MRPS21: variants seen among roughly 807,000 people sequenced by gnomAD.
The protein encoded by MRPS21 is mitochondrial ribosomal protein S21.
A neutral mutation model predicts 9.9 loss-of-function variants in MRPS21; 8 were observed. The observed-to-expected ratio is 0.81, with a 90% CI of 0.47 to 1.45. The LOEUF (loss-of-function observed/expected upper bound fraction) is 1.45. MRPS21 is among the 40% of genes most tolerant of loss of function. MRPS21 has a pLI of 0.00. For synonymous variants in MRPS21, 40 were observed against 40.3 expected (o/e 0.99, Z 0.03); for missense variants, 101 against 118.9 (o/e 0.85, Z 0.70).
rs372864248 is a variant in MRPS21 at position 150,301,966 on chromosome 1, C to T, written c.84-6082C>T. On this transcript the variant is annotated intron_variant, in intron 2 of 2. Coordinates refer to ENST00000614145, the MANE Select transcript of MRPS21 (RefSeq NM_031901.6). The stretch of plus-strand genomic sequence containing the variant: ...GTGAGCAGACTGATTTTGGAGTGAT[C>T]CAATCTTCTGTTTTCCTGCTGCCTG... Among the ~76,000 whole-genome samples, 95 of 152,274 alleles carry T rather than the reference C, an allele frequency of 6.2e-4. 2 individuals are homozygous for T. In the South Asian group the frequency reaches 0.019, roughly 30 times the overall value.
chr1:150,306,912 C>G (rs1379985285), intron 2 of MRPS21, among the ~76,000 whole-genome samples: 1 of 152,154 alleles, frequency 6.6e-6, no homozygotes, highest in South Asian at 2.1e-4. Context: ...AGAATCATTG[C>G]TGTAGGGAGA....
At chr1:150,302,385 G>A (rs1553857851) in intron 2 of MRPS21, among the ~76,000 whole-genome samples, 1 of 152,100 alleles carries the variant, frequency 6.6e-6, no homozygotes. Flanking sequence ...TGCATGATTG[G>A]CTGGCCCCCA....
chr1:150,307,267 C>T (rs879956950), intron 2 of MRPS21, among the ~76,000 whole-genome samples: 3 of 151,400 alleles, frequency 2.0e-5, no homozygotes, highest in Non-Finnish European at 4.4e-5. Context: ...AGGCTGGTCT[C>T]GAACTCCCGA....
At chr1:150,303,346 C>T (rs1384877640) in intron 2 of MRPS21, among the ~76,000 whole-genome samples, 1 of 152,050 alleles carries the variant, frequency 6.6e-6, no homozygotes, top group African/African-American at 2.4e-5. Context: ...ATACTACTTT[C>T]TAGTCCAAAA....
In MRPS21 at chr1:150,308,535, A is replaced by G. The variant is rs1654437957; in HGVS notation, c.*307A>G. On this transcript the variant is annotated 3_prime_UTR_variant, in exon 3 of 3. Transcript: ENST00000614145. ...GAGTTTCAGTTTGGGCAGATGAAAAAGTTCAGGAGACGATGGCCTGGCATG... is the reference window on the plus strand; with the variant it reads ...GAGTTTCAGTTTGGGCAGATGAAAAGGTTCAGGAGACGATGGCCTGGCATG... 5.0e-6 allele frequency: 1 copy of G among 201,772 alleles called. No individual in the cohort carries two copies. Among genetic ancestry groups the G allele is most frequent in the Non-Finnish European group, 1.0e-5 (1 of 99,286 alleles). 12.5% of individuals were successfully genotyped at this position (201,772 alleles called of 1,614,324 possible).
At position 150,294,444 on chromosome 1, in the gene MRPS21, A is replaced by G; in HGVS notation, c.78A>G (p.Leu26=). 6.2e-7 allele frequency: 1 copy of G among 1,610,364 alleles called. No individual in the cohort carries two copies. Among genetic ancestry groups the G allele is most frequent in the Admixed American group, 1.7e-5 (1 of 59,992 alleles). ...ACGTGGAAAGCGCATACAGGACCCT[A>G]AACAGGTAACTGTTAAGGGACCAGA... The part of the protein sequence containing the change: ...EGNVESAYRT[L]NRILTMDGLI... Residue 26 remains leucine (L), a synonymous_variant, in exon 2 of 3, where the codon CTA becomes CTG. Coordinates refer to ENST00000614145, the MANE Select transcript of MRPS21 (RefSeq NM_031901.6).
chr1:150,300,820 A>G (rs1553857514), intron 2 of MRPS21, among the ~76,000 whole-genome samples: 1 of 152,230 alleles, frequency 6.6e-6, no homozygotes, highest in Non-Finnish European at 1.5e-5. Flanking sequence ...AAGTAGGAGT[A>G]GGATTTGGAA....
Position 150,303,449 on chromosome 1 carries a change from C to T in MRPS21, c.84-4599C>T, listed in dbSNP as rs115608959. 2.8e-3 allele frequency among the ~76,000 whole-genome samples: 421 copies of T among 152,314 alleles called. 1 individual carries two copies. The highest frequency in any genetic ancestry group is 9.7e-3 in the African/African-American group (401 of 41,550). On this transcript the variant is annotated intron_variant, in intron 2 of 2. Transcript: ENST00000614145. ...ATTCTTTTATCCAAGTGTCCCTTAT[C>T]GGCTTCCATTTCCTCTTTACTCTGA...
At chr1:150,296,152 G>A (rs1269991653) in intron 2 of MRPS21, among the ~76,000 whole-genome samples, 3 of 151,974 alleles carry the variant, frequency 2.0e-5, no homozygotes, top group Non-Finnish European at 2.9e-5. Context: ...GTTTCACCAC[G>A]TTAGCCAAGA....
chr1:150,304,189 TA>T, intron 2 of MRPS21: 1 of 348,068 alleles, frequency 2.9e-6, no homozygotes, highest in South Asian at 2.3e-5. Flanking sequence ...TACGCCCCTG[TA>T]ATCCCAGCTA....
Position 150,308,320 on chromosome 1 carries a change from C to G in MRPS21, c.*92C>G. On this transcript the variant is annotated 3_prime_UTR_variant, in exon 3 of 3. Coordinates refer to ENST00000614145, the MANE Select transcript of MRPS21 (RefSeq NM_031901.6). ...CAATCCCATTTCCTATTACCATTCT[C>G]TGCAATAAACTCAAATCACATGTCT... is the stretch of plus-strand genomic sequence containing the variant. 1 of 1,301,914 alleles carries G rather than the reference C, an allele frequency of 7.7e-7. No individual in the cohort carries two copies. 80.6% of individuals were successfully genotyped at this position (1,301,914 alleles called of 1,614,324 possible).
chr1:150,295,943 C>T (rs1247254042), intron 2 of MRPS21, among the ~76,000 whole-genome samples: 1 of 139,260 alleles, frequency 7.2e-6, no homozygotes, highest in Non-Finnish European at 1.5e-5. Context: ...TAGAAGAGCC[C>T]TAGTAATACT....
At chr1:150,300,106 G>C (rs1483073753) in intron 2 of MRPS21, among the ~76,000 whole-genome samples, 3 of 152,010 alleles carry the variant, frequency 2.0e-5, no homozygotes, top group African/African-American at 7.2e-5. Flanking sequence ...ACTTTGGGAG[G>C]CTGAGGGGGG....
intron 2 of MRPS21, among the ~76,000 whole-genome samples, chr1:150,301,618 T>A (rs1297266590): frequency 6.2e-5 from 3 of 48,484 alleles, no homozygotes; most frequent in African/African-American, 2.7e-4. Context: ...ATTTTCTTTT[T>A]CCTTTCTTTT....
intron 2 of MRPS21, among the ~76,000 whole-genome samples, chr1:150,306,653 G>A (rs981813791): frequency 6.6e-6 from 1 of 152,028 alleles, no homozygotes; most frequent in East Asian, 1.9e-4. Flanking sequence ...ACACCACCAT[G>A]CCCGGCTAAT....
rs1572154026 is a variant in MRPS21 at position 150,307,348 on chromosome 1, C to CTTTTTTT, written c.84-684_84-678dup. On this transcript the variant is annotated intron_variant, in intron 2 of 2. Coordinates refer to ENST00000614145, the MANE Select transcript of MRPS21 (RefSeq NM_031901.6). ...CAGGCATGAGTCACTGTGCCCAGTC[C>CTTTTTTT]TTTTTTTTTTTTTTTTTTTTTTCCT... Among the ~76,000 whole-genome samples the CTTTTTTT allele has an allele frequency of 3.8e-3, 334 of 87,476 alleles. 40 individuals carry two copies. The highest frequency in any genetic ancestry group is 0.01 in the African/African-American group (236 of 22,534). The allele number at this position is 87,476 out of a possible 152,430, so 57.4% of individuals were successfully genotyped here.
At position 150,308,311 on chromosome 1, in the gene MRPS21, T is replaced by C; in HGVS notation, c.*83T>C. Reference sequence around the variant, plus strand: ...TTCTTTGTACAATCCCATTTCCTATTACCATTCTCTGCAATAAACTCAAAT... The same window carrying C: ...TTCTTTGTACAATCCCATTTCCTATCACCATTCTCTGCAATAAACTCAAAT... On this transcript the variant is annotated 3_prime_UTR_variant, in exon 3 of 3. Transcript: ENST00000614145. The C allele has an allele frequency of 7.3e-7, 1 of 1,376,640 alleles. No homozygotes were observed. Among genetic ancestry groups the C allele is most frequent in the Non-Finnish European group, 9.8e-7 (1 of 1,015,490 alleles). The allele number at this position is 1,376,640 out of a possible 1,614,324, so 85.3% of individuals were successfully genotyped here. A position where few individuals can be genotyped will look rare whatever the true frequency, so the allele number is the denominator to read the frequency against.
rs1654425542 is a variant in MRPS21 at position 150,308,303 on chromosome 1, T to C, written c.*75T>C. 8 of 1,432,004 alleles carry C rather than the reference T, an allele frequency of 5.6e-6. No homozygotes were observed. The highest frequency in any genetic ancestry group is 7.6e-6 in the Non-Finnish European group (8 of 1,053,884). 88.7% of individuals were successfully genotyped at this position (1,432,004 alleles called of 1,614,324 possible). A position where few individuals can be genotyped will look rare whatever the true frequency, so the allele number is the denominator to read the frequency against. ...CATCTCTTTTCTTTGTACAATCCCA[T>C]TTCCTATTACCATTCTCTGCAATAA... On this transcript the variant is annotated 3_prime_UTR_variant, in exon 3 of 3. Coordinates refer to ENST00000614145, the MANE Select transcript of MRPS21 (RefSeq NM_031901.6).
chr1:150,300,945 C>T (rs1654094388), intron 2 of MRPS21, among the ~76,000 whole-genome samples: 1 of 152,104 alleles, frequency 6.6e-6, no homozygotes, highest in Non-Finnish European at 1.5e-5. Flanking sequence ...CCCCTGTAAG[C>T]TCAGCACTTT....
Sources: allele counts gnomAD v4.1 joint callset (sites outside exome capture counted in the v4.1 genomes callset), GRCh38; gene constraint gnomAD v4.1.1; transcripts MANE v1.5; gene names NCBI Gene and HGNC (gene_info 2026-07-23, HGNC 2026-07-21).